TASP1: variants seen among roughly 807,000 people sequenced by gnomAD.
TASP1 encodes taspase 1.
In TASP1, 16 loss-of-function variants were observed where a neutral mutation model predicts 56.6. The observed-to-expected ratio is 0.28, with a 90% CI of 0.19 to 0.43. The LOEUF is 0.43. Ranked by LOEUF, TASP1 falls within the 20% of genes least tolerant of loss-of-function variation. The pLI, the probability that TASP1 is intolerant of heterozygous loss-of-function variation, is 1.00. For synonymous variants in TASP1, 179 were observed against 184.2 expected (o/e 0.97, Z 0.23); for missense variants, 393 against 511.6 (o/e 0.77, Z 2.24).
the TASP1 span, among the ~76,000 whole-genome samples, chr20:13,189,720 C>T: frequency 1.7e-4 from 26 of 152,098 alleles, no homozygotes; most frequent in African/African-American, 5.8e-4. Context: ...TAAATTAGTT[C>T]AGCCCCTGTG....
At chr20:13,395,208 T>C (rs367919332) in intron 13 of TASP1, among the ~76,000 whole-genome samples, 1 of 152,218 alleles carries the variant, frequency 6.6e-6, no homozygotes, top group African/African-American at 2.4e-5. Context: ...ATTTGTTGTA[T>C]AGTGCTGCAT....
chr20:13,364,615 T>G, the TASP1 span, among the ~76,000 whole-genome samples: 1 of 152,318 alleles, frequency 6.6e-6, no homozygotes, highest in Non-Finnish European at 1.5e-5. Flanking sequence ...ATAGCTGGAC[T>G]GAAGCTAAGT....
the TASP1 span, among the ~76,000 whole-genome samples, chr20:13,213,302 A>C: frequency 6.6e-6 from 1 of 152,186 alleles, no homozygotes; most frequent in Non-Finnish European, 1.5e-5. Flanking sequence ...AATGCAACAT[A>C]AAGCTAAGGT....
chr20:13,225,430 T>C, the TASP1 span, among the ~76,000 whole-genome samples: 1 of 152,224 alleles, frequency 6.6e-6, no homozygotes, highest in Non-Finnish European at 1.5e-5. Flanking sequence ...ATGACATATA[T>C]GTATATATAC....
chr20:13,306,866 G>A, the TASP1 span, among the ~76,000 whole-genome samples: 1 of 152,150 alleles, frequency 6.6e-6, no homozygotes, highest in African/African-American at 2.4e-5. Flanking sequence ...GTCCCATGCT[G>A]GTGGCTACAG....
At chr20:13,107,848 A>G in the TASP1 span, among the ~76,000 whole-genome samples, 1 of 150,924 alleles carries the variant, frequency 6.6e-6, no homozygotes, top group Non-Finnish European at 1.5e-5. Context: ...GTAGCATACT[A>G]TATCTAATAC....
the TASP1 span, among the ~76,000 whole-genome samples, chr20:13,224,966 C>G: frequency 6.6e-6 from 1 of 151,384 alleles, no homozygotes; most frequent in Non-Finnish European, 1.5e-5. Flanking sequence ...CTGCCTCAGC[C>G]TCCCAAGTAG....
Position 13,483,277 on chromosome 20 carries a change from G to A in TASP1, c.935C>T (p.Ala312Val). The A allele has an allele frequency of 1.9e-6, 3 of 1,604,174 alleles. No individual in the cohort carries two copies. Among genetic ancestry groups the A allele is most frequent in the Non-Finnish European group, 2.6e-6 (3 of 1,174,932 alleles). Reference protein sequence around the residue: ...LARECSHALQAEDAHQALLET... With the variant: ...LARECSHALQVEDAHQALLET... ...CAACAGGGCTTGGTGAGCATCCTCA[G>A]CTTGTAAAGCATGTGAACATTCTCT... is the stretch of plus-strand genomic sequence containing the variant. Residue 312 changes from alanine (A) to valine (V), a missense_variant, in exon 11 of 14, where the codon GCT (alanine) becomes GTT (valine). By Grantham distance (64) the Ala-to-Val change is moderately conservative (BLOSUM62 0). Transcript: ENST00000337743.
chr20:13,597,811 G>A (rs1171848035), intron 4 of TASP1, among the ~76,000 whole-genome samples: 5 of 152,154 alleles, frequency 3.3e-5, no homozygotes, highest in African/African-American at 4.8e-5. Flanking sequence ...ATCTCCTTAC[G>A]CTGATAAGCA....
intron 10 of TASP1, 45 bp from the exon 11 acceptor site, chr20:13,483,382 A>T (rs1330283442): frequency 7.2e-7 from 1 of 1,387,256 alleles, no homozygotes; most frequent in East Asian, 2.5e-5. Flanking sequence ...GCAGCACCGA[A>T]CACCCTGCTT....
the TASP1 span, among the ~76,000 whole-genome samples, chr20:13,212,576 T>A: frequency 2.6e-5 from 4 of 152,218 alleles, no homozygotes; most frequent in African/African-American, 9.6e-5. Flanking sequence ...AACATCCCTT[T>A]AAAGTTTTAA....
intron 1 of TASP1, among the ~76,000 whole-genome samples, chr20:13,636,172 GT>G (rs2049300658): frequency 8.1e-6 from 1 of 123,620 alleles, no homozygotes; most frequent in South Asian, 2.7e-4. Context: ...TTGAGACAGA[GT>G]CTCACTCTGT....
At chr20:13,632,759 C>A (rs2049145714) in intron 1 of TASP1, among the ~76,000 whole-genome samples, 1 of 152,172 alleles carries the variant, frequency 6.6e-6, no homozygotes, top group African/African-American at 2.4e-5. Flanking sequence ...GCAACTTCTA[C>A]TCCAACATCA....
chr20:13,415,034 A>G (rs1211202823), intron 13 of TASP1, among the ~76,000 whole-genome samples: 1 of 152,182 alleles, frequency 6.6e-6, no homozygotes, highest in Non-Finnish European at 1.5e-5. Context: ...AACAAGCAGA[A>G]GGAAGACAAT....
the TASP1 span, among the ~76,000 whole-genome samples, chr20:13,148,529 C>T: frequency 6.6e-6 from 1 of 152,190 alleles, no homozygotes; most frequent in Non-Finnish European, 1.5e-5. Context: ...AACCTGAGCA[C>T]TCAGGAACTG....
At chr20:13,276,015 G>C in the TASP1 span, among the ~76,000 whole-genome samples, 1 of 152,200 alleles carries the variant, frequency 6.6e-6, no homozygotes, top group Non-Finnish European at 1.5e-5. Context: ...CTTGTTCTTA[G>C]AGCATCAGCA....
the TASP1 span, among the ~76,000 whole-genome samples, chr20:13,355,717 C>T: frequency 3.3e-5 from 5 of 152,214 alleles, no homozygotes; most frequent in African/African-American, 1.2e-4. Flanking sequence ...GCTCCATGGA[C>T]TGGCTCTGTC....
the TASP1 span, among the ~76,000 whole-genome samples, chr20:13,306,007 CTT>C: frequency 6.6e-6 from 1 of 152,110 alleles, no homozygotes; most frequent in Admixed American, 6.5e-5. Flanking sequence ...AATTTTATGA[CTT>C]TGCTAATTTT....
At chr20:13,387,934 G>C (rs1262546037), downstream of TASP1, among the ~76,000 whole-genome samples, 1 of 152,226 alleles carries the variant, frequency 6.6e-6, no homozygotes, top group Admixed American at 6.5e-5. Context: ...GGCACTCCAG[G>C]TGCCTTAAGC....
Sources: allele counts gnomAD v4.1 joint callset (sites outside exome capture counted in the v4.1 genomes callset), GRCh38; gene constraint gnomAD v4.1.1; transcripts MANE v1.5; gene names NCBI Gene and HGNC (gene_info 2026-07-23, HGNC 2026-07-21).